BACH1: variants seen among roughly 807,000 people sequenced by gnomAD.
BACH1 encodes BTB domain and CNC homolog 1, also known as transcription regulator protein BACH1.
BACH1 carries 35 observed loss-of-function variants against 52.9 expected under a neutral mutation model. The observed-to-expected ratio is 0.66, with a 90% CI of 0.51 to 0.88. The LOEUF (loss-of-function observed/expected upper bound fraction) is 0.88. Ranked by LOEUF, BACH1 falls within the 40% of genes least tolerant of loss-of-function variation. The pLI is 0.00. For missense variants in BACH1, 808 were observed against 872.6 expected (o/e 0.93, Z 0.93); for synonymous variants, 321 against 319.6 (o/e 1.00, Z -0.05).
chr21:29,328,987 A>G (rs982916019), intron 3 of BACH1, among the ~76,000 whole-genome samples: 3 of 152,132 alleles, frequency 2.0e-5, no homozygotes, highest in Admixed American at 2.0e-4. Flanking sequence ...TATCATGGCT[A>G]TTGTGAATAA....
intron 1 of BACH1, 50 bp from the exon 2 acceptor site, chr21:29,321,171 A>G: frequency 1.0e-6 from 1 of 980,522 alleles, no homozygotes; most frequent in Non-Finnish European, 1.6e-6. Context: ...TGACACTGTC[A>G]TTTTTTAACA....
intron 2 of BACH1, among the ~76,000 whole-genome samples, chr21:29,353,977 G>A (rs1315641944): frequency 6.6e-6 from 1 of 152,160 alleles, no homozygotes; most frequent in Non-Finnish European, 1.5e-5. Context: ...CTTCTGCCAG[G>A]GAGGGAGGTT....
chr21:29,314,855 A>G (rs1460589409), intron 1 of BACH1, among the ~76,000 whole-genome samples: 2 of 152,202 alleles, frequency 1.3e-5, no homozygotes, highest in African/African-American at 2.4e-5. Flanking sequence ...AAATGTGACT[A>G]TCAAATACAG....
chr21:29,335,093 T>C (rs904989222), intron 4 of BACH1, among the ~76,000 whole-genome samples: 2 of 152,210 alleles, frequency 1.3e-5, no homozygotes, highest in Non-Finnish European at 2.9e-5. Flanking sequence ...ATAAATGTCA[T>C]GTACGTTTTA....
chr21:29,317,203 G>T (rs1026605232), intron 1 of BACH1, among the ~76,000 whole-genome samples: 1 of 152,216 alleles, frequency 6.6e-6, no homozygotes, highest in African/African-American at 2.4e-5. Context: ...CATTGCACCC[G>T]CCCATGTGGG....
At chr21:29,307,172 G>C (rs1352820501) in intron 1 of BACH1, among the ~76,000 whole-genome samples, 1 of 152,158 alleles carries the variant, frequency 6.6e-6, no homozygotes, top group Non-Finnish European at 1.5e-5. Flanking sequence ...GCAAATTCTT[G>C]AATCAGGAGT....
chr21:29,360,403 C>T (rs1232359070), intron 2 of BACH1, among the ~76,000 whole-genome samples: 1 of 152,150 alleles, frequency 6.6e-6, no homozygotes, highest in Non-Finnish European at 1.5e-5. Flanking sequence ...GCTATTTTGT[C>T]GGCGGCCTCA....
chr21:29,312,363 A>T (rs1004993813), intron 1 of BACH1, among the ~76,000 whole-genome samples: 2 of 152,182 alleles, frequency 1.3e-5, no homozygotes, highest in African/African-American at 4.8e-5. Flanking sequence ...AATACTTAAC[A>T]CTTTCCTTAT....
At chr21:29,360,970 C>T (rs1452099467) in intron 2 of BACH1, 1 of 152,240 alleles carries the variant, frequency 6.6e-6, no homozygotes, top group East Asian at 1.9e-4. Flanking sequence ...CACCTCCCAA[C>T]ATAGTATAGA....
intron 2 of BACH1, chr21:29,361,010 A>AT (rs2089268622): frequency 6.6e-6 from 1 of 152,184 alleles, no homozygotes; most frequent in African/African-American, 2.4e-5. Flanking sequence ...CTAGTGTTTA[A>AT]TGTCTGTCTC....
At chr21:29,349,978 C>G (rs1406169274), downstream of BACH1, among the ~76,000 whole-genome samples, 1 of 152,038 alleles carries the variant, frequency 6.6e-6, no homozygotes, top group Admixed American at 6.6e-5. Flanking sequence ...CTTAAGATGC[C>G]CCTCCCCACC....
intron 2 of BACH1, among the ~76,000 whole-genome samples, chr21:29,322,579 G>A (rs1207756014): frequency 6.6e-6 from 1 of 152,194 alleles, no homozygotes; most frequent in Non-Finnish European, 1.5e-5. Flanking sequence ...GAGTATCAAG[G>A]CTGTGGCATT....
intron 1 of BACH1, among the ~76,000 whole-genome samples, chr21:29,301,224 A>C (rs1004150974): frequency 1.1e-4 from 17 of 152,224 alleles, no homozygotes; most frequent in African/African-American, 4.1e-4. Flanking sequence ...GGTGGGGTGC[A>C]AGGAGGTTCA....
At chr21:29,316,235 G>A (rs929677545) in intron 1 of BACH1, among the ~76,000 whole-genome samples, 1 of 152,042 alleles carries the variant, frequency 6.6e-6, no homozygotes, top group African/African-American at 2.4e-5. Flanking sequence ...TAAAGCCACA[G>A]CATCTTGTTT....
intron 1 of BACH1, among the ~76,000 whole-genome samples, chr21:29,301,152 C>CT (rs1321570143): frequency 6.6e-6 from 1 of 152,166 alleles, no homozygotes; most frequent in East Asian, 1.9e-4. Flanking sequence ...TATTTTGTTC[C>CT]TTTAAGTCTG....
At chr21:29,350,559 A>G (rs568131724), downstream of BACH1, among the ~76,000 whole-genome samples, 4 of 152,212 alleles carry the variant, frequency 2.6e-5, no homozygotes, top group Non-Finnish European at 4.4e-5. Context: ...TCTGGGCAGC[A>G]TAGCACCACC....
chr21:29,352,666 G>A (rs942705523), intron 2 of BACH1: 1 of 151,940 alleles, frequency 6.6e-6, no homozygotes, highest in African/African-American at 2.4e-5. Context: ...GACTACAGGT[G>A]CGTGCCACCA....
chr21:29,318,899 C>G (rs1221362017), intron 1 of BACH1, among the ~76,000 whole-genome samples: 2 of 152,106 alleles, frequency 1.3e-5, no homozygotes, highest in Non-Finnish European at 2.9e-5. Context: ...TTAGTCATAT[C>G]CAGCTCCCCA....
chr21:29,326,246 C>T lies in BACH1; in HGVS notation c.422C>T (p.Pro141Leu). Reference protein sequence around the residue: ...LDSTADQQECPRKKCFSSHCQ... With the variant: ...LDSTADQQECLRKKCFSSHCQ... ...TCCACTGCAGACCAGCAAGAATGCCCAAGAAAAAAATGCTTTTCATCACAC... is the reference window on the plus strand; with the variant it reads ...TCCACTGCAGACCAGCAAGAATGCCTAAGAAAAAAATGCTTTTCATCACAC... Residue 141 changes from proline to leucine, a missense_variant, in exon 3 of 5, where the codon CCA (proline) becomes CTA (leucine). By Grantham distance (98) the Pro-to-Leu change is moderately conservative. Transcript: ENST00000286800. The T allele has an allele frequency of 6.2e-7, 1 of 1,613,054 alleles. No homozygotes were observed. The highest frequency in any genetic ancestry group is 8.5e-7 in the Non-Finnish European group (1 of 1,179,720).
Sources: allele counts gnomAD v4.1 joint callset (sites outside exome capture counted in the v4.1 genomes callset), GRCh38; gene constraint gnomAD v4.1.1; transcripts MANE v1.5; gene names NCBI Gene and HGNC (gene_info 2026-07-23, HGNC 2026-07-21).